PDE6A: variants seen among roughly 807,000 people sequenced by gnomAD.
The protein encoded by PDE6A is rod cGMP-specific 3',5'-cyclic phosphodiesterase subunit alpha.
PDE6A carries 84 observed loss-of-function variants against 106.3 expected under a neutral mutation model. The observed-to-expected ratio is 0.79, with a 90% CI of 0.66 to 0.95. The LOEUF (loss-of-function observed/expected upper bound fraction) is 0.95, where lower values mean the gene tolerates loss of function less well. PDE6A is among the 40% of genes least tolerant of loss of function. PDE6A has a pLI of 0.00. For synonymous variants in PDE6A, 394 were observed against 386.6 expected (o/e 1.02, Z -0.23); for missense variants, 1,052 against 1,084.9 (o/e 0.97, Z 0.43).
intron 6 of PDE6A, among the ~76,000 whole-genome samples, chr5:149,910,324 G>A (rs1753335444): frequency 6.6e-6 from 1 of 152,122 alleles, no homozygotes; most frequent in Admixed American, 6.5e-5. Context: ...CCTGTAAACA[G>A]GATATAGGAT....
At chr5:149,888,007 C>T (rs1278898174) in intron 13 of PDE6A, among the ~76,000 whole-genome samples, 1 of 152,056 alleles carries the variant, frequency 6.6e-6, no homozygotes, top group Admixed American at 6.6e-5. Context: ...TAACCCTCGC[C>T]TTCCCTTCAA....
chr5:149,934,057 G>T (rs780663426), intron 2 of PDE6A, 38 bp from the exon 3 acceptor site: 2 of 1,141,892 alleles, frequency 1.8e-6, no homozygotes, highest in Admixed American at 1.7e-5. Context: ...CAGGTGAGAA[G>T]AAGAAATCCA....
intron 13 of PDE6A, among the ~76,000 whole-genome samples, chr5:149,890,428 C>T (rs1247599557): frequency 6.6e-6 from 1 of 152,032 alleles, no homozygotes. Flanking sequence ...TTGTCAAATA[C>T]AATTAATGCT....
At chr5:149,941,996 C>G (rs1033186141) in intron 1 of PDE6A, among the ~76,000 whole-genome samples, 2 of 152,126 alleles carry the variant, frequency 1.3e-5, no homozygotes, top group Admixed American at 1.3e-4. Context: ...GGGTCACACT[C>G]TGGCACTCAA....
chr5:149,929,834 G>A (rs910833962), intron 4 of PDE6A, among the ~76,000 whole-genome samples: 12 of 152,276 alleles, frequency 7.9e-5, no homozygotes, highest in South Asian at 4.1e-4. Flanking sequence ...AATTTTGGTG[G>A]TGGTTTCATG....
At chr5:149,894,500 A>G (rs937228466) in intron 13 of PDE6A, among the ~76,000 whole-genome samples, 4 of 152,104 alleles carry the variant, frequency 2.6e-5, no homozygotes, top group Non-Finnish European at 4.4e-5. Flanking sequence ...CATTACTATG[A>G]CTTGCATTGC....
At chr5:149,933,868 A>G (rs1754112422) in intron 3 of PDE6A, 62 bp downstream of exon 3, 1 of 1,232,398 alleles carries the variant, frequency 8.1e-7, no homozygotes, top group South Asian at 1.2e-5. Flanking sequence ...GCCAGTCCTG[A>G]CCACATCAAT....
In PDE6A at chr5:149,886,358, C is replaced by T. The variant is rs77760924; in HGVS notation, c.1745G>A (p.Arg582His). ...FSLLVTGKLK[R>H]YFTDLEALAM... ...CAAGGCCTCTAGGTCCGTGAAGTAG[C>T]GCTTCAGCTTTCCCGTCTGGAAGGG... The change falls in exon 14 of 22, where the codon CGC becomes CAC. Residue 582 changes from arginine to histidine, a missense_variant. Arg to His is a conservative substitution (Grantham distance 29). Transcript: ENST00000255266. 231 of 1,613,854 alleles carry T rather than the reference C, an allele frequency of 1.4e-4. 3 individuals are homozygous for T. The East Asian group carries it at 2.8e-3, about 20-fold the overall frequency.
At chr5:149,933,701 GGCAGTGGTTGA>G (rs1246355077) in intron 3 of PDE6A, among the ~76,000 whole-genome samples, 1 of 152,228 alleles carries the variant, frequency 6.6e-6, no homozygotes, top group Non-Finnish European at 1.5e-5. Flanking sequence ...CTTAGAGCTA[GGCAGTGGTTGA>G]GCAGGGATTC....
At chr5:149,923,250 C>G (rs898013347) in intron 4 of PDE6A, among the ~76,000 whole-genome samples, 1 of 152,094 alleles carries the variant, frequency 6.6e-6, no homozygotes, top group African/African-American at 2.4e-5. Context: ...ATAATCCCAG[C>G]CATTTGGGAG....
rs1753502245 is a variant in PDE6A at position 149,914,849 on chromosome 5, T to A, written c.998+94A>T. The A allele has an allele frequency of 5.9e-6, 5 of 843,064 alleles. No individual in the cohort carries two copies. In the Admixed American group the frequency reaches 8.5e-5, roughly 14 times the overall value. The allele number at this position is 843,064 out of a possible 1,614,324, so 52.2% of individuals were successfully genotyped here. ...CAGAACACTTATGTATTTTATGGAA[T>A]GAAGTGTTGCCCAATTCCAGAATCA... On this transcript the variant is annotated intron_variant, in intron 6 of 21. Transcript: ENST00000255266.
chr5:149,936,636 A>G (rs1386487477), intron 1 of PDE6A, among the ~76,000 whole-genome samples: 3 of 152,162 alleles, frequency 2.0e-5, no homozygotes, highest in Admixed American at 1.3e-4. Flanking sequence ...TCAACTGCCA[A>G]TTGACTGGCA....
chr5:149,881,049 T>A (rs751165185), intron 17 of PDE6A, among the ~76,000 whole-genome samples: 2 of 151,878 alleles, frequency 1.3e-5, no homozygotes, highest in African/African-American at 2.4e-5. Flanking sequence ...GGTGACAGAG[T>A]GAGACACCGT....
chr5:149,899,599 A>G (rs763905931), intron 8 of PDE6A, 75 bp from the exon 9 acceptor site: 11 of 1,422,106 alleles, frequency 7.7e-6, no homozygotes, highest in Admixed American at 1.7e-5. Flanking sequence ...TTCACCCTAC[A>G]TCATGACCCT....
intron 19 of PDE6A, chr5:149,866,966 C>G (rs554561335): frequency 6.5e-6 from 1 of 154,236 alleles, no homozygotes; most frequent in African/African-American, 2.4e-5. Flanking sequence ...AGAGTGAGAA[C>G]GACAAAGCCC....
rs533008637 is a variant in PDE6A at position 149,904,709 on chromosome 5, A to G, written c.1066-1014T>C. On this transcript the variant is annotated intron_variant, in intron 7 of 21. Transcript: ENST00000255266. Reference sequence around the variant, plus strand: ...AGGCTGTACCTGCTCCTTCCTGTCCAAGGACTGCCTGCTCACTGCACCAGC... The same window carrying G: ...AGGCTGTACCTGCTCCTTCCTGTCCGAGGACTGCCTGCTCACTGCACCAGC... Among the ~76,000 whole-genome samples the G allele has an allele frequency of 2.0e-5, 3 of 152,138 alleles. No homozygotes were observed. The South Asian group carries it at 6.2e-4, about 32-fold the overall frequency.
At chr5:149,876,505 G>C (rs1018660474) in intron 17 of PDE6A, among the ~76,000 whole-genome samples, 3 of 151,808 alleles carry the variant, frequency 2.0e-5, no homozygotes, top group Admixed American at 2.0e-4. Flanking sequence ...ACCGTACCTG[G>C]ATAATTTAAA....
chr5:149,912,963 GA>G (rs1753432020), intron 6 of PDE6A, among the ~76,000 whole-genome samples: 2 of 152,124 alleles, frequency 1.3e-5, no homozygotes, highest in African/African-American at 4.8e-5. Context: ...GACCATTTAA[GA>G]GACAGATAAT....
At chr5:149,938,133 G>A (rs562966469) in intron 1 of PDE6A, among the ~76,000 whole-genome samples, 1 of 152,182 alleles carries the variant, frequency 6.6e-6, no homozygotes, top group East Asian at 1.9e-4. Context: ...AGCAGACCAC[G>A]CTGGGGACCC....
Sources: gnomAD v4.1 joint callset for allele counts (sites outside exome capture counted in the v4.1 genomes callset) on GRCh38, gnomAD v4.1.1 for gene constraint, MANE v1.5 for transcripts, NCBI Gene and HGNC (gene_info 2026-07-23, HGNC 2026-07-21) for gene names.